KIF1B: variants seen among roughly 807,000 people sequenced by gnomAD.
KIF1B encodes kinesin-like protein KIF1B.
KIF1B carries 76 observed loss-of-function variants against 241.9 expected under a neutral mutation model. That is an observed-to-expected ratio of 0.31 (90% CI 0.26 to 0.38). The LOEUF (loss-of-function observed/expected upper bound fraction) is 0.38. Ranked by LOEUF, KIF1B falls within the 10% of genes least tolerant of loss-of-function variation. The pLI, the probability that KIF1B is intolerant of heterozygous loss-of-function variation, is 1.00. For missense variants in KIF1B, 1,622 were observed against 2,271.4 expected (o/e 0.71, Z 5.81); for synonymous variants, 750 against 796.7 (o/e 0.94, Z 0.99).
At chr1:10,237,427 G>A (rs1647070870) in intron 2 of KIF1B, among the ~76,000 whole-genome samples, 1 of 151,986 alleles carries the variant, frequency 6.6e-6, no homozygotes, top group Non-Finnish European at 1.5e-5. Flanking sequence ...ATAATATGAG[G>A]TACACTCCAT....
rs376800378 is a variant in KIF1B, at chr1:10,294,948, C to T, written c.1591-138C>T. 24 of 709,228 alleles carry T rather than the reference C, an allele frequency of 3.4e-5. No homozygotes were observed. The East Asian group carries it at 3.6e-4, about 11-fold the overall frequency. The allele number at this position is 709,228 out of a possible 1,614,324, so 43.9% of individuals were successfully genotyped here. ...GAGTGTTTTCTCTTTATTATGGAAC[C>T]GCAACTAGGGATAAAAAGAAATCCC... On this transcript the variant is annotated intron_variant, in intron 17 of 48. Coordinates refer to ENST00000676179, the MANE Select transcript of KIF1B (RefSeq NM_001365951.3).
rs1213645819 is a variant in KIF1B at position 10,338,579 on chromosome 1, C to T, written c.3422+1046C>T. 2.6e-5 allele frequency among the ~76,000 whole-genome samples: 4 copies of T among 152,196 alleles called. No homozygotes were observed. In the East Asian group the frequency reaches 5.8e-4, roughly 22 times the overall value. On this transcript the variant is annotated intron_variant, in intron 31 of 48. Transcript: ENST00000676179. ...GGCAACTGATACGTTTTATGGAAAA[C>T]ATCTATTTGGTTAACTGATGTCTGA... is the stretch of plus-strand genomic sequence containing the variant.
intron 5 of KIF1B, among the ~76,000 whole-genome samples, chr1:10,265,344 C>T (rs1386813512): frequency 6.6e-6 from 1 of 151,964 alleles, no homozygotes; most frequent in East Asian, 1.9e-4. Context: ...GAGTGATCTT[C>T]CCACCTCAGC....
At position 10,278,030 on chromosome 1, in the gene KIF1B, A is replaced by G. The variant is rs763013942; in HGVS notation, c.1082A>G (p.Asn361Ser). 1 of 1,614,068 alleles carries G rather than the reference A, an allele frequency of 6.2e-7. No homozygotes were observed. The highest frequency in any genetic ancestry group is 8.5e-7 in the Non-Finnish European group (1 of 1,179,944). The change falls in exon 13 of 49, where the codon AAT becomes AGT. Residue 361 changes from asparagine to serine, a missense_variant. By Grantham distance (46) the Asn-to-Ser change is conservative (BLOSUM62 1). Around this residue, in one of 7 missense-constraint regions of KIF1B, gnomAD observed 201 missense variants for 301.2 expected, o/e 0.67. Transcript: ENST00000676179. ...CAAATTAAATGCAATGCTGTTATCA[A>G]TGAGGACCCCAATGCCAAACTGGTT... is the stretch of plus-strand genomic sequence containing the variant. ...AKQIKCNAVI[N>S]EDPNAKLVRE...
At chr1:10,246,750 G>C (rs1046197903) in intron 2 of KIF1B, among the ~76,000 whole-genome samples, 9 of 151,644 alleles carry the variant, frequency 5.9e-5, no homozygotes, top group Non-Finnish European at 8.8e-5. Flanking sequence ...CTGTCTCAAA[G>C]AAAAAAAAGA....
chr1:10,365,111 A>G lies in KIF1B; in HGVS notation c.4378A>G (p.Arg1460Gly). 1 of 1,613,940 alleles carries G rather than the reference A, an allele frequency of 6.2e-7. No individual in the cohort carries two copies. Among genetic ancestry groups the G allele is most frequent in the Non-Finnish European group, 8.5e-7 (1 of 1,179,952 alleles). ...TCCTCTTGTCTTAGGTATGCAGAGA[A>G]GGAGAAGAAAAATCTTAGATACGTC... ...SDTGSPGMQR[R>G]RRKILDTSVA... Residue 1460 changes from arginine (R) to glycine (G), a missense_variant, in exon 42 of 49, where the codon AGG becomes GGG. Around this residue, in one of 7 missense-constraint regions of KIF1B, gnomAD observed 803 missense variants for 1,112.0 expected, o/e 0.72. Transcript: ENST00000676179. The surrounding 1 kb of genome is among the most constrained non-coding windows in gnomAD (Gnocchi z 4.0).
At chr1:10,335,266 GT>G (rs1044006176) in intron 28 of KIF1B, among the ~76,000 whole-genome samples, 1 of 151,856 alleles carries the variant, frequency 6.6e-6, no homozygotes, top group Non-Finnish European at 1.5e-5. Flanking sequence ...CTTTTATTTT[GT>G]TTTGAGACGG....
At chr1:10,347,142 A>C (rs1463367285) in intron 35 of KIF1B, among the ~76,000 whole-genome samples, 2 of 152,260 alleles carry the variant, frequency 1.3e-5, no homozygotes, top group Non-Finnish European at 2.9e-5. Context: ...TCTTACTCTT[A>C]GGACAGAGGC....
chr1:10,347,090 A>G (rs1175434558), intron 35 of KIF1B, among the ~76,000 whole-genome samples: 1 of 152,214 alleles, frequency 6.6e-6, no homozygotes, highest in Non-Finnish European at 1.5e-5. Flanking sequence ...GTTGTGTATA[A>G]TCATCTCTAA....
intron 44 of KIF1B, 106 bp downstream of exon 44, chr1:10,368,644 A>T (rs1638640707): frequency 2.2e-6 from 2 of 904,606 alleles, no homozygotes; most frequent in Non-Finnish European, 3.7e-6. Flanking sequence ...GCAACTTGTC[A>T]TGGGCATAGC....
At chr1:10,241,484 A>T (rs1647136249) in intron 2 of KIF1B, among the ~76,000 whole-genome samples, 1 of 152,140 alleles carries the variant, frequency 6.6e-6, no homozygotes, top group Non-Finnish European at 1.5e-5. Context: ...ACTAAGTTGG[A>T]GGCAGTTTTT....
intron 38 of KIF1B, among the ~76,000 whole-genome samples, chr1:10,358,561 A>G (rs1455133665): frequency 6.6e-6 from 1 of 151,886 alleles, no homozygotes; most frequent in African/African-American, 2.4e-5. Context: ...GGAACACAAT[A>G]AAAGAGCAGA....
At chr1:10,251,454 G>T (rs552393519) in intron 2 of KIF1B, among the ~76,000 whole-genome samples, 13 of 151,822 alleles carry the variant, frequency 8.6e-5, no homozygotes, top group Non-Finnish European at 1.8e-4. Flanking sequence ...AGCTTTATTG[G>T]CTGGGCGCGG....
intron 24 of KIF1B, among the ~76,000 whole-genome samples, chr1:10,323,317 A>G (rs2102298153): frequency 6.6e-6 from 1 of 152,288 alleles, no homozygotes; most frequent in African/African-American, 2.4e-5. Flanking sequence ...GTCTTCATTC[A>G]TTCAATCAAA....
At chr1:10,290,097 C>T (rs942578689) in intron 15 of KIF1B, among the ~76,000 whole-genome samples, 9 of 151,850 alleles carry the variant, frequency 5.9e-5, no homozygotes, top group African/African-American at 9.7e-5. Context: ...CAGTAACCTC[C>T]TTGAGAGCAG....
rs998121489 is a variant in KIF1B at position 10,306,283 on chromosome 1, T to A, written c.2115+9037T>A. On this transcript the variant is annotated intron_variant, in intron 22 of 48. Coordinates refer to ENST00000676179, the MANE Select transcript of KIF1B (RefSeq NM_001365951.3). ...TAAATGATGTCTGTAATGGGTTGAG[T>A]TACTGAGATGACAATCTCCTGTGCC... 54 of 1,045,272 alleles carry A rather than the reference T, an allele frequency of 5.2e-5. No individual in the cohort carries two copies. The African/African-American group carries it at 8.3e-4, about 16-fold the overall frequency. The allele number at this position is 1,045,272 out of a possible 1,614,324, so 64.7% of individuals were successfully genotyped here.
chr1:10,259,505 A>AAAT (rs1553162997), intron 4 of KIF1B, among the ~76,000 whole-genome samples: 67 of 121,588 alleles, frequency 5.5e-4, no homozygotes, highest in African/African-American at 2.1e-3. Context: ...AAAAAAAAAA[A>AAAT]TTTTTTTTTT....
At chr1:10,261,397 A>T (rs1648137588) in intron 4 of KIF1B, among the ~76,000 whole-genome samples, 1 of 151,418 alleles carries the variant, frequency 6.6e-6, no homozygotes, top group Admixed American at 6.6e-5. Context: ...CAGCCTCCAG[A>T]ATAGCTGGGA....
Position 10,268,142 on chromosome 1 carries a change from G to A in KIF1B, c.609-10G>A, listed in dbSNP as rs1648575016. ...TCCCTTGTCACGTGGTCACCTTTAT[G>A]TTTATTTAGGACAGTGGCAGCTACA... On this transcript the variant is annotated splice_polypyrimidine_tract_variant and intron_variant, in intron 6 of 48. Transcript: ENST00000676179. 17 of 1,599,310 alleles carry A rather than the reference G, an allele frequency of 1.1e-5. No homozygotes were observed. Among genetic ancestry groups the A allele is most frequent in the Non-Finnish European group, 1.4e-5 (16 of 1,167,094 alleles).
Sources: allele counts gnomAD v4.1 joint callset (sites outside exome capture counted in the v4.1 genomes callset), GRCh38; gene constraint gnomAD v4.1.1; regional missense constraint gnomAD v4.1.1; non-coding constraint Gnocchi (gnomAD v3.1); transcripts MANE v1.5; gene names NCBI Gene and HGNC (gene_info 2026-07-23, HGNC 2026-07-21).